The following SEC14L1 variants were observed in gnomAD, a reference collection of about 807,000 sequenced individuals.
SEC14L1 encodes SEC14 like lipid binding 1.
In SEC14L1, 48 loss-of-function variants were observed where a neutral mutation model predicts 85.3. That is an observed-to-expected ratio of 0.56 (90% CI 0.45 to 0.72). The LOEUF (loss-of-function observed/expected upper bound fraction) is 0.72. Among genes scored for constraint, SEC14L1 ranks in the 30% least tolerant of loss-of-function variants. The probability of loss-of-function intolerance (pLI) is 0.00; values close to 1 mark genes in which losing one functional copy is unlikely to be tolerated. For synonymous variants in SEC14L1, 391 were observed against 355.5 expected, an observed-to-expected ratio of 1.10 and a Z score of -1.12; for missense variants, 682 against 921.4, an observed-to-expected ratio of 0.74 and a Z score of 3.36.
chr17:77,192,598 T>TCAC, intron 5 of SEC14L1, among the ~76,000 whole-genome samples: 1 of 151,856 alleles, frequency 6.6e-6, no homozygotes, highest in East Asian at 1.9e-4. Context: ...TCGGCTCAGG[T>TCAC]CACCCCTTCT....
chr17:77,186,259 C>T (rs538733139), intron 3 of SEC14L1, among the ~76,000 whole-genome samples: 2 of 152,340 alleles, frequency 1.3e-5, no homozygotes, highest in South Asian at 4.1e-4. Flanking sequence ...CCTCTCACCA[C>T]TTCCCTCCCC....
Position 77,209,365 on chromosome 17 carries a change from G to A in SEC14L1, c.1500G>A (p.Leu500=), listed in dbSNP as rs1263419209. 34 of 1,614,104 alleles carry A rather than the reference G, an allele frequency of 2.1e-5. No homozygotes were observed. Among genetic ancestry groups the A allele is most frequent in the Non-Finnish European group, 2.9e-5 (34 of 1,180,002 alleles). ...AGTGCGAAGTGCCAGAGGGTGGACTGGTCCCCAAATCTCTGTACCGGACTG... is the reference window on the plus strand; with the variant it reads ...AGTGCGAAGTGCCAGAGGGTGGACTAGTCCCCAAATCTCTGTACCGGACTG... The part of the protein sequence containing the change: ...ECMCEVPEGG[L]VPKSLYRTAE... Residue 500 remains leucine (L), a synonymous_variant, in exon 14 of 17, where the codon CTG becomes CTA. Transcript: ENST00000436233.
intron 2 of SEC14L1, among the ~76,000 whole-genome samples, chr17:77,091,461 A>C (rs1971515212): frequency 6.6e-6 from 1 of 152,214 alleles, no homozygotes; most frequent in East Asian, 1.9e-4. Flanking sequence ...TGCAGAACAT[A>C]GATGATGTGC....
upstream of SEC14L1, among the ~76,000 whole-genome samples, chr17:77,140,492 G>A (rs557272732): frequency 3.3e-4 from 50 of 152,374 alleles, no homozygotes; most frequent in African/African-American, 1.2e-3. Flanking sequence ...GAAGCACGGG[G>A]GCAGCCGCCA....
intron 5 of SEC14L1, among the ~76,000 whole-genome samples, chr17:77,191,589 C>A (rs1975541546): frequency 1.3e-5 from 2 of 152,026 alleles, no homozygotes; most frequent in South Asian, 4.2e-4. Context: ...GTCGCCCAGG[C>A]CGGAGTGCAG....
chr17:77,121,834 A>C (rs1431128253), intron 3 of SEC14L1, among the ~76,000 whole-genome samples: 1 of 152,114 alleles, frequency 6.6e-6, no homozygotes, highest in African/African-American at 2.4e-5. Flanking sequence ...CTAGTTTGTT[A>C]CTTTGTCCAG....
intron 3 of SEC14L1, among the ~76,000 whole-genome samples, chr17:77,180,015 G>GTTTTT (rs1304355230): frequency 6.6e-6 from 1 of 150,568 alleles, no homozygotes; most frequent in Non-Finnish European, 1.5e-5. Flanking sequence ...GTTTTGTTTT[G>GTTTTT]TTTTGTTTTA....
upstream of SEC14L1, among the ~76,000 whole-genome samples, chr17:77,138,456 C>T (rs185952351): frequency 2.8e-4 from 42 of 151,968 alleles, no homozygotes; most frequent in African/African-American, 9.9e-4. Flanking sequence ...CCCGTCTCTA[C>T]TAAAAATAAA....
intron 3 of SEC14L1, among the ~76,000 whole-genome samples, chr17:77,184,642 G>A (rs1050893797): frequency 6.6e-6 from 1 of 152,100 alleles, no homozygotes. Context: ...TTTCTGCCTC[G>A]CCTTGACCTT....
At chr17:77,117,658 C>T (rs1477354008) in intron 3 of SEC14L1, among the ~76,000 whole-genome samples, 1 of 152,162 alleles carries the variant, frequency 6.6e-6, no homozygotes, top group Non-Finnish European at 1.5e-5. Context: ...CCCTGGCCAG[C>T]TCCTGCAGGA....
intron 3 of SEC14L1, among the ~76,000 whole-genome samples, chr17:77,128,792 G>A (rs550039959): frequency 1.6e-4 from 24 of 152,208 alleles, no homozygotes; most frequent in African/African-American, 5.1e-4. Context: ...CTTTCTGAAC[G>A]TGAAGGGGTG....
chr17:77,148,930 A>G (rs1261283110), intron 3 of SEC14L1, among the ~76,000 whole-genome samples: 1 of 152,176 alleles, frequency 6.6e-6, no homozygotes, highest in Non-Finnish European at 1.5e-5. Flanking sequence ...CACACTTCCC[A>G]GCTTGAACTT....
At chr17:77,110,566 C>G (rs1972022044) in intron 3 of SEC14L1, among the ~76,000 whole-genome samples, 1 of 152,048 alleles carries the variant, frequency 6.6e-6, no homozygotes, top group Admixed American at 6.6e-5. Context: ...TATGAGACAT[C>G]AATCAAATAC....
chr17:77,126,141 A>G (rs1972440925), intron 3 of SEC14L1, among the ~76,000 whole-genome samples: 2 of 152,134 alleles, frequency 1.3e-5, no homozygotes, highest in African/African-American at 4.8e-5. Context: ...ACAGAGCGAG[A>G]CTCCGTCTCA....
chr17:77,204,005 C>T (rs547768651), intron 10 of SEC14L1, among the ~76,000 whole-genome samples: 12 of 152,168 alleles, frequency 7.9e-5, no homozygotes, highest in Non-Finnish European at 1.3e-4. Context: ...TTCGTTAACG[C>T]GAGCTCTTGG....
rs1008750337 is a variant in SEC14L1, at chr17:77,206,592, A to G, written c.1342-136A>G. On this transcript the variant is annotated intron_variant, in intron 12 of 16. Transcript: ENST00000436233. The surrounding 1 kb of genome is among the most constrained non-coding windows in gnomAD (Gnocchi z 4.3). ...ATGTGAGTGTCCTAATGCCATGCAA[A>G]TAGACTTTACAGAAGAAGTATATAA... is the stretch of plus-strand genomic sequence containing the variant. 25 of 1,245,034 alleles carry G rather than the reference A, an allele frequency of 2.0e-5. No homozygotes were observed. Among genetic ancestry groups the G allele is most frequent in the Non-Finnish European group, 3.4e-6 (3 of 893,720 alleles). 77.1% of individuals were successfully genotyped at this position (1,245,034 alleles called of 1,614,324 possible).
rs561136618 is a variant in SEC14L1, at chr17:77,088,811, G to T, written c.-497G>T. The T allele has an allele frequency of 3.4e-4, 52 of 152,954 alleles. No homozygotes were observed. The South Asian group carries it at 0.01, about 30-fold the overall frequency. 9.5% of individuals were successfully genotyped at this position (152,954 alleles called of 1,614,324 possible). A position where few individuals can be genotyped will look rare whatever the true frequency, so the allele number is the denominator to read the frequency against. ...CACAGTTCCGCCGCCATCGGCCCTA[G>T]CCTGCGGAATTGGGCTCGCCCCGGG... On this transcript the variant is annotated 5_prime_UTR_variant, in exon 1 of 20. Transcript: ENST00000392476.
At chr17:77,157,317 A>C (rs1251694494) in intron 3 of SEC14L1, among the ~76,000 whole-genome samples, 2 of 152,214 alleles carry the variant, frequency 1.3e-5, no homozygotes, top group African/African-American at 2.4e-5. Flanking sequence ...TTTCTCACAC[A>C]AAGTTGGTTT....
chr17:77,141,666 A>G (rs1284619509), intron 1 of SEC14L1: 2 of 152,226 alleles, frequency 1.3e-5, no homozygotes, highest in Non-Finnish European at 2.9e-5. Context: ...GGACCAGAGC[A>G]TCGGCAGCTG....
Sources: allele counts gnomAD v4.1 joint callset (sites outside exome capture counted in the v4.1 genomes callset), GRCh38; gene constraint gnomAD v4.1.1; non-coding constraint Gnocchi (gnomAD v3.1); transcripts MANE v1.5; gene names NCBI Gene and HGNC (gene_info 2026-07-23, HGNC 2026-07-21).